AGAP6: variants seen among roughly 807,000 people sequenced by gnomAD.
AGAP6 encodes ArfGAP with GTPase domain, ankyrin repeat and PH domain 6.
Under a neutral mutation model 63.9 loss-of-function variants are expected in AGAP6, and 29 were observed. The ratio of observed to expected loss-of-function variants is 0.45; its 90% CI spans 0.34 to 0.62. The LOEUF (loss-of-function observed/expected upper bound fraction) is 0.62. Among genes scored for constraint, AGAP6 ranks in the 20% least tolerant of loss-of-function variants. The pLI is 0.01. For synonymous variants in AGAP6, 199 were observed against 332.9 expected (o/e 0.60, Z 4.38); for missense variants, 493 against 884.9 (o/e 0.56, Z 5.62).
intron 3 of AGAP6, among the ~76,000 whole-genome samples, chr10:49,993,933 C>T (rs1275752169): frequency 5.3e-5 from 8 of 151,814 alleles, no homozygotes; most frequent in Non-Finnish European, 1.2e-4. Flanking sequence ...AAGTGTGGTT[C>T]AAGATGCTTA....
At chr10:50,005,163 T>C (rs1362818163) in intron 6 of AGAP6, among the ~76,000 whole-genome samples, 1 of 152,190 alleles carries the variant, frequency 6.6e-6, no homozygotes, top group Non-Finnish European at 1.5e-5. Flanking sequence ...GAGAACAGTA[T>C]TGTTAACAGA....
chr10:49,999,212 C>A (rs541845552), intron 4 of AGAP6, among the ~76,000 whole-genome samples: 1 of 137,898 alleles, frequency 7.3e-6, no homozygotes, highest in Non-Finnish European at 1.5e-5. Context: ...CATACTCCAG[C>A]CTGGGCAACA....
intron 1 of AGAP6, 81 bp downstream of exon 1, chr10:49,989,019 C>T: frequency 8.8e-6 from 14 of 1,597,864 alleles, no homozygotes; most frequent in South Asian, 2.2e-5. Flanking sequence ...AGGCATCCCA[C>T]ACTTCGAGCT....
intron 2 of AGAP6, among the ~76,000 whole-genome samples, chr10:49,990,433 A>C (rs1589081468): frequency 6.6e-6 from 1 of 152,364 alleles, no homozygotes; most frequent in Middle Eastern, 3.4e-3. Context: ...TGACAGAGCG[A>C]GACTCCGTCT....
At chr10:49,992,783 A>G (rs1250355851) in intron 3 of AGAP6, among the ~76,000 whole-genome samples, 2 of 151,552 alleles carry the variant, frequency 1.3e-5, no homozygotes, top group Non-Finnish European at 2.9e-5. Flanking sequence ...TTGTTTTGAT[A>G]TGGAGTCTCA....
At chr10:50,003,541 T>C (rs1841791657) in intron 5 of AGAP6, among the ~76,000 whole-genome samples, 1 of 152,208 alleles carries the variant, frequency 6.6e-6, no homozygotes, top group African/African-American at 2.4e-5. Flanking sequence ...TCACCCCAGC[T>C]CAGTCATTCC....
Position 49,989,248 on chromosome 10 carries a change from A to G in AGAP6, c.224-60A>G, listed in dbSNP as rs371873788. 39 of 1,594,136 alleles carry G rather than the reference A, an allele frequency of 2.4e-5. 1 individual carries two copies. The African/African-American group carries it at 3.5e-4, about 14-fold the overall frequency. ...TCGAATAAGCAGCAGTTGAATAAAT[A>G]AGTTGATAAATTTTTATAAATGATT... On this transcript the variant is annotated intron_variant, in intron 1 of 7. Coordinates refer to ENST00000412531, the MANE Select transcript of AGAP6 (RefSeq NM_001077665.3).
chr10:49,994,984 G>T (rs1453606685), intron 4 of AGAP6, among the ~76,000 whole-genome samples: 2 of 130,246 alleles, frequency 1.5e-5, no homozygotes, highest in African/African-American at 2.8e-5. Context: ...AAAAAAAAAA[G>T]TGCCTGAAAT....
intron 4 of AGAP6, 82 bp from the exon 5 acceptor site, chr10:50,001,914 C>T (rs1841727499): frequency 7.0e-7 from 1 of 1,426,022 alleles, no homozygotes; most frequent in African/African-American, 1.4e-5. Context: ...TAAGACATAT[C>T]TTAGTGCTTT....
chr10:50,005,049 A>G (rs1176019038), intron 6 of AGAP6, among the ~76,000 whole-genome samples: 1 of 152,150 alleles, frequency 6.6e-6, no homozygotes, highest in Non-Finnish European at 1.5e-5. Flanking sequence ...TGTTGTGAGG[A>G]CTGTCTTGTG....
chr10:50,005,625 A>C (rs1214613452), intron 6 of AGAP6, among the ~76,000 whole-genome samples: 1 of 149,666 alleles, frequency 6.7e-6, no homozygotes, highest in East Asian at 2.0e-4. Flanking sequence ...AACAAACAAA[A>C]AAAGCAATAA....
chr10:49,997,913 G>C (rs1429628496), intron 4 of AGAP6, among the ~76,000 whole-genome samples: 1 of 131,408 alleles, frequency 7.6e-6, no homozygotes, highest in Non-Finnish European at 1.6e-5. Flanking sequence ...ATTTCACTTA[G>C]AATAATAGTC....
chr10:49,988,945 A>C lies in AGAP6; in HGVS notation c.223+7A>C, dbSNP rs1260309522. The C allele has an allele frequency of 3.1e-6, 5 of 1,601,008 alleles. No individual in the cohort carries two copies. Among genetic ancestry groups the C allele is most frequent in the Non-Finnish European group, 4.2e-6 (5 of 1,179,360 alleles). On this transcript the variant is annotated splice_region_variant and intron_variant, in intron 1 of 7. Transcript: ENST00000412531. The stretch of plus-strand genomic sequence containing the variant: ...GACCGGGAGATGCCTGAAGGTGAGG[A>C]GGTGATAGGTGCCATCTACCCTCGG...
intron 4 of AGAP6, among the ~76,000 whole-genome samples, chr10:50,001,748 T>A (rs1208569772): frequency 6.3e-5 from 8 of 127,602 alleles, no homozygotes; most frequent in African/African-American, 8.8e-5. Flanking sequence ...TTTTTAACGG[T>A]AATTCATAAA....
chr10:49,988,770 C>CT lies in AGAP6; in HGVS notation c.55_56insT (p.Gln19LeufsTer10). ...CCCTAGCGTCAGCCTCGAGTTTGAC[C>CT]AGCAGCAGGGGTCGGTGTGTCCCTC... On this transcript the variant is annotated frameshift_variant, in exon 1 of 8. Coordinates refer to ENST00000412531, the MANE Select transcript of AGAP6 (RefSeq NM_001077665.3). LOFTEE classifies it high-confidence loss of function. 6.3e-7 allele frequency: 1 copy of CT among 1,596,072 alleles called. No individual in the cohort carries two copies.
chr10:49,988,918 G>A lies in AGAP6; in HGVS notation c.203G>A (p.Arg68His), dbSNP rs782254301. 64 of 1,598,384 alleles carry A rather than the reference G, an allele frequency of 4.0e-5. No individual in the cohort carries two copies. The highest frequency in any genetic ancestry group is 5.5e-5 in the South Asian group (5 of 90,810). The change falls in exon 1 of 8, where the codon CGT becomes CAT. Residue 68 changes from arginine (R) to histidine (H), a missense_variant. Coordinates refer to ENST00000412531, the MANE Select transcript of AGAP6 (RefSeq NM_001077665.3). Reference protein sequence around the residue: ...VGEDLHMHHVRDREMPEALEF... With the variant: ...VGEDLHMHHVHDREMPEALEF... The stretch of plus-strand genomic sequence containing the variant: ...GAGGACCTCCACATGCACCACGTTC[G>A]TGACCGGGAGATGCCTGAAGGTGAG...
rs145420670 is a variant in AGAP6, at chr10:50,009,297, C to T, written c.1172C>T (p.Pro391Leu). 8.1e-3 allele frequency: 13,068 copies of T among 1,614,080 alleles called. 525 individuals are homozygous for T. In the African/African-American group the frequency reaches 0.11, roughly 14 times the overall value. ...AGCACCACCAGCCCCAAGCTCAACC[C>T]GCCCCCCTCTCCTCATGCTAATAAA... ...ISSTTSPKLN[P>L]PPSPHANKKK... Residue 391 changes from proline (P) to leucine (L), a missense_variant, in exon 8 of 8, where the codon CCG becomes CTG. This residue lies in a region of AGAP6 where 342 missense variants were observed against 533.4 expected (regional missense o/e 0.64). Transcript: ENST00000412531.
rs1554864430 is a variant in AGAP6 at position 50,008,700 on chromosome 10, G to T, written c.586-11G>T. The T allele has an allele frequency of 6.2e-7, 1 of 1,614,088 alleles. No individual in the cohort carries two copies. The highest frequency in any genetic ancestry group is 1.7e-5 in the Admixed American group (1 of 60,004). On this transcript the variant is annotated splice_polypyrimidine_tract_variant and intron_variant, in intron 7 of 7. Transcript: ENST00000412531. ...AATTTTTGAAGCCATTCCTCCTCCT[G>T]TTCCACACAGGTTTCCACCGTGCAC...
intron 6 of AGAP6, among the ~76,000 whole-genome samples, chr10:50,006,280 A>G (rs1337036514): frequency 3.3e-5 from 5 of 152,242 alleles, no homozygotes; most frequent in South Asian, 2.1e-4. Context: ...AAAGCTGCCA[A>G]GCCTACAGTA....
Sources: allele counts gnomAD v4.1 joint callset (sites outside exome capture counted in the v4.1 genomes callset), GRCh38; gene constraint gnomAD v4.1.1; regional missense constraint gnomAD v4.1.1; transcripts MANE v1.5; gene names NCBI Gene and HGNC (gene_info 2026-07-23, HGNC 2026-07-21).